PRRC1: variants seen among roughly 807,000 people sequenced by gnomAD.
PRRC1 encodes protein PRRC1.
Under a neutral mutation model 40.7 loss-of-function variants are expected in PRRC1, and 39 were observed. The observed-to-expected ratio is 0.96, with a 90% CI of 0.74 to 1.25. The LOEUF (loss-of-function observed/expected upper bound fraction) is 1.25. PRRC1 is among the 50% of genes most tolerant of loss of function. The probability of loss-of-function intolerance (pLI) is 0.00; values close to 1 mark genes in which losing one functional copy is unlikely to be tolerated. For missense variants in PRRC1, 573 were observed against 548.3 expected (o/e 1.05, Z -0.45); for synonymous variants, 175 against 193.3 (o/e 0.91, Z 0.79).
At chr5:127,522,099 A>G (rs1767475624) in intron 1 of PRRC1, among the ~76,000 whole-genome samples, 1 of 152,240 alleles carries the variant, frequency 6.6e-6, no homozygotes. Context: ...GTGCTCGTCA[A>G]GCAGTTGACC....
At position 127,554,506 on chromosome 5, in the gene PRRC1, AAT is replaced by A. The variant is rs34875917; in HGVS notation, c.*2593_*2594del. 0.31 allele frequency: 46,550 copies of A among 151,892 alleles called. 7,385 individuals carry two copies. Among genetic ancestry groups the A allele is most frequent in the East Asian group, 0.55 (2,812 of 5,154 alleles). 9.4% of individuals were successfully genotyped at this position (151,892 alleles called of 1,614,324 possible). Reference sequence around the variant, plus strand: ...ACAAAGAATGCAGGAAAAATAATTTAATATCAACCTCAGTTGACAAGGTGCTC... The same window carrying A: ...ACAAAGAATGCAGGAAAAATAATTTAATCAACCTCAGTTGACAAGGTGCTC... On this transcript the variant is annotated 3_prime_UTR_variant, in exon 9 of 9. Transcript: ENST00000296666.
intron 7 of PRRC1, among the ~76,000 whole-genome samples, chr5:127,546,840 A>C (rs186430725): frequency 4.1e-4 from 62 of 152,324 alleles, no homozygotes; most frequent in Non-Finnish European, 7.8e-4. Context: ...AGAAAGTTGT[A>C]GTAAAATACA....
rs150010125 is a variant in PRRC1 at position 127,523,317 on chromosome 5, C to T, written c.-20-143C>T. Reference sequence around the variant, plus strand: ...TTCTTAGAAATTTGGACAAACTCTTCGTCTGGAAATAAGTTGCATTATAAA... The same window carrying T: ...TTCTTAGAAATTTGGACAAACTCTTTGTCTGGAAATAAGTTGCATTATAAA... On this transcript the variant is annotated intron_variant, in intron 1 of 8. Coordinates refer to ENST00000296666, the MANE Select transcript of PRRC1 (RefSeq NM_130809.5). The T allele has an allele frequency of 2.9e-4, 137 of 469,626 alleles. 1 individual carries two copies. Among genetic ancestry groups the T allele is most frequent in the African/African-American group, 2.5e-3 (128 of 51,098 alleles). 29.1% of individuals were successfully genotyped at this position (469,626 alleles called of 1,614,324 possible). A position where few individuals can be genotyped will look rare whatever the true frequency, so the allele number is the denominator to read the frequency against.
At chr5:127,529,233 A>C (rs1178756774) in intron 4 of PRRC1, among the ~76,000 whole-genome samples, 2 of 151,678 alleles carry the variant, frequency 1.3e-5, no homozygotes, top group Non-Finnish European at 2.9e-5. Context: ...ATAATTTATT[A>C]TTATATTAAA....
chr5:127,543,692 T>A (rs1204370374), intron 7 of PRRC1, among the ~76,000 whole-genome samples: 1 of 152,338 alleles, frequency 6.6e-6, no homozygotes, highest in South Asian at 2.1e-4. Context: ...GCATTCTTCA[T>A]GTAGTTCTCG....
chr5:127,530,441 G>T (rs1561681802), intron 5 of PRRC1, 45 bp downstream of exon 5: 1 of 1,336,772 alleles, frequency 7.5e-7, no homozygotes, highest in Non-Finnish European at 1.1e-6. Flanking sequence ...TTTTTTTAAG[G>T]GTATGTCCAC....
At chr5:127,542,455 T>C (rs942571986) in intron 7 of PRRC1, among the ~76,000 whole-genome samples, 58 of 152,234 alleles carry the variant, frequency 3.8e-4, no homozygotes, top group Admixed American at 5.9e-4. Context: ...CGTTGATCTG[T>C]CTAATGTTGA....
intron 6 of PRRC1, among the ~76,000 whole-genome samples, chr5:127,536,466 CAAGA>C (rs1448069882): frequency 6.6e-6 from 1 of 151,948 alleles, no homozygotes; most frequent in Non-Finnish European, 1.5e-5. Context: ...GAAGATTTCC[CAAGA>C]GGTTTTGCAA....
chr5:127,518,731 CT>C (rs79976581), intron 1 of PRRC1, among the ~76,000 whole-genome samples: 6,962 of 139,660 alleles, frequency 0.05, 288 homozygotes, highest in African/African-American at 0.13. Flanking sequence ...TAGACATCCA[CT>C]TTTTTTTTTT....
chr5:127,522,406 A>G (rs928672633), intron 1 of PRRC1, among the ~76,000 whole-genome samples: 2 of 152,112 alleles, frequency 1.3e-5, no homozygotes, highest in Non-Finnish European at 2.9e-5. Flanking sequence ...ATTTTATTTT[A>G]TTGAGACAAG....
intron 8 of PRRC1, chr5:127,548,899 A>G (rs1275124709): frequency 2.0e-5 from 3 of 152,140 alleles, no homozygotes; most frequent in African/African-American, 4.8e-5. Context: ...TTTTATAGAT[A>G]TTAACATTAC....
At chr5:127,539,900 C>G (rs1368088567) in intron 7 of PRRC1, among the ~76,000 whole-genome samples, 1 of 151,856 alleles carries the variant, frequency 6.6e-6, no homozygotes, top group Non-Finnish European at 1.5e-5. Context: ...TTTTTGCTGA[C>G]AGGAAATATA....
At position 127,553,979 on chromosome 5, in the gene PRRC1, C is replaced by G; in HGVS notation, c.*2063C>G. ...ATGAACTGCTCTGGCCTCTCTGGTTCTGTTCTTGGCCCAGAGTTTTTGAAA... is the reference window on the plus strand; with the variant it reads ...ATGAACTGCTCTGGCCTCTCTGGTTGTGTTCTTGGCCCAGAGTTTTTGAAA... On this transcript the variant is annotated 3_prime_UTR_variant, in exon 9 of 9. Coordinates refer to ENST00000296666, the MANE Select transcript of PRRC1 (RefSeq NM_130809.5). 4 of 1,422,538 alleles carry G rather than the reference C, an allele frequency of 2.8e-6. No individual in the cohort carries two copies. The highest frequency in any genetic ancestry group is 2.5e-5 in the East Asian group (1 of 39,228). The allele number at this position is 1,422,538 out of a possible 1,614,324, so 88.1% of individuals were successfully genotyped here. A position where few individuals can be genotyped will look rare whatever the true frequency, so the allele number is the denominator to read the frequency against.
chr5:127,543,822 C>T (rs1365240886), intron 7 of PRRC1, among the ~76,000 whole-genome samples: 1 of 152,190 alleles, frequency 6.6e-6, no homozygotes, highest in Non-Finnish European at 1.5e-5. Context: ...GTTTGAATTT[C>T]CTTCTGTAGC....
At chr5:127,551,665 T>C in intron 8 of PRRC1, 42 bp from the exon 9 acceptor site, 1 of 1,573,810 alleles carries the variant, frequency 6.4e-7, no homozygotes, top group Non-Finnish European at 8.7e-7. Context: ...CAATGATATT[T>C]TTAAATGTAT....
intron 8 of PRRC1, chr5:127,550,162 A>T (rs1768338705): frequency 6.6e-6 from 1 of 152,090 alleles, no homozygotes; most frequent in African/African-American, 2.4e-5. Flanking sequence ...GTTAATTCTG[A>T]ATAATGGTAT....
Position 127,553,649 on chromosome 5 carries a change from T to C in PRRC1, c.*1733T>C. 1 of 1,430,740 alleles carries C rather than the reference T, an allele frequency of 7.0e-7. No homozygotes were observed. Among genetic ancestry groups the C allele is most frequent in the Non-Finnish European group, 9.1e-7 (1 of 1,096,040 alleles). The allele number at this position is 1,430,740 out of a possible 1,614,324, so 88.6% of individuals were successfully genotyped here. On this transcript the variant is annotated 3_prime_UTR_variant, in exon 9 of 9. Transcript: ENST00000296666. ...AGCATGTCCTTACTTAAAATAGTTC[T>C]GCTACTTTCCCTCCTATTATAAGGA...
Position 127,553,293 on chromosome 5 carries a change from T to A in PRRC1, c.*1377T>A. 1.0e-6 allele frequency: 1 copy of A among 986,766 alleles called. No individual in the cohort carries two copies. Among genetic ancestry groups the A allele is most frequent in the South Asian group, 4.7e-5 (1 of 21,346 alleles). 61.1% of individuals were successfully genotyped at this position (986,766 alleles called of 1,614,324 possible). A position where few individuals can be genotyped will look rare whatever the true frequency, so the allele number is the denominator to read the frequency against. On this transcript the variant is annotated 3_prime_UTR_variant, in exon 9 of 9. Transcript: ENST00000296666. ...AGTCATTATTTGGTTTCTGCTATTT[T>A]TTTACCTGAGGATAAGAAGAATGAA...
intron 7 of PRRC1, among the ~76,000 whole-genome samples, chr5:127,545,634 T>A: frequency 1.0e-5 from 1 of 100,002 alleles, no homozygotes; most frequent in Non-Finnish European, 1.9e-5. Context: ...TGGGGACTGT[T>A]GTGGGGTGGG....
Sources: gnomAD v4.1 joint callset for allele counts (sites outside exome capture counted in the v4.1 genomes callset) on GRCh38, gnomAD v4.1.1 for gene constraint, MANE v1.5 for transcripts, NCBI Gene and HGNC (gene_info 2026-07-23, HGNC 2026-07-21) for gene names.